MYO16: variants seen among roughly 807,000 people sequenced by gnomAD.
The protein encoded by MYO16 is myosin XVI.
MYO16 carries 94 observed loss-of-function variants against 205.3 expected under a neutral mutation model. That is an observed-to-expected ratio of 0.46 (90% confidence interval 0.39 to 0.54). The LOEUF is 0.54. Ranked by LOEUF, MYO16 falls within the 20% of genes least tolerant of loss-of-function variation. The probability of loss-of-function intolerance (pLI) is 0.00; values close to 1 mark genes in which losing one functional copy is unlikely to be tolerated. For synonymous variants in MYO16, 988 were observed against 954.0 expected, an observed-to-expected ratio of 1.04 and a Z score of -0.66; for missense variants, 2,315 against 2,387.5, an observed-to-expected ratio of 0.97 and a Z score of 0.63.
rs760769040 is a variant in MYO16, at chr13:109,064,996, G to A, written c.3335+9401G>A. Reference sequence around the variant, plus strand: ...TGGGATTAGTGGGCAATGCTTGCTTGGGGCCTCTTCCCCAGTTGCAGCCAT... The same window carrying A: ...TGGGATTAGTGGGCAATGCTTGCTTAGGGCCTCTTCCCCAGTTGCAGCCAT... On this transcript the variant is annotated intron_variant, in intron 27 of 34. Transcript: ENST00000457511. Among the ~76,000 whole-genome samples the A allele has an allele frequency of 3.9e-5, 6 of 152,294 alleles. No individual in the cohort carries two copies. In the South Asian group the frequency reaches 6.2e-4, roughly 16 times the overall value.
the MYO16 span, among the ~76,000 whole-genome samples, chr13:108,583,781 C>T: frequency 0.027 from 4,077 of 152,100 alleles, 175 homozygotes; most frequent in African/African-American, 0.091. Context: ...ATAAGCAAAA[C>T]GAAGGAATTA....
chr13:108,935,819 G>T (rs7987515), intron 16 of MYO16, among the ~76,000 whole-genome samples: 14 of 145,638 alleles, frequency 9.6e-5, no homozygotes, highest in South Asian at 2.2e-4. Flanking sequence ...TTTCTTGAGG[G>T]TTTTTTTTTT....
At chr13:108,948,343 C>T (rs1883012598) in intron 16 of MYO16, among the ~76,000 whole-genome samples, 1 of 152,188 alleles carries the variant, frequency 6.6e-6, no homozygotes, top group Non-Finnish European at 1.5e-5. Flanking sequence ...AAAAACTGAG[C>T]AACACATTGT....
At chr13:108,834,979 G>A (rs889380320) in intron 9 of MYO16, among the ~76,000 whole-genome samples, 3 of 152,068 alleles carry the variant, frequency 2.0e-5, no homozygotes, top group African/African-American at 7.2e-5. Flanking sequence ...CTATGGAAAT[G>A]TAAAATATTG....
the MYO16 span, among the ~76,000 whole-genome samples, chr13:108,508,367 G>A: frequency 1.3e-5 from 2 of 152,092 alleles, no homozygotes; most frequent in Admixed American, 6.6e-5. Context: ...GCTTTTTTGG[G>A]GATGCACTTT....
chr13:108,623,537 A>T (rs1879618563), intron 1 of MYO16, among the ~76,000 whole-genome samples: 1 of 152,136 alleles, frequency 6.6e-6, no homozygotes, highest in Non-Finnish European at 1.5e-5. Context: ...GTCTACTTGT[A>T]CCTACATGCT....
rs761910143 is a variant in MYO16 at position 109,141,171 on chromosome 13, C to G, written c.4959C>G (p.Ser1653=). 19 of 1,609,720 alleles carry G rather than the reference C, an allele frequency of 1.2e-5. No homozygotes were observed. In the Admixed American group the frequency reaches 3.2e-4, roughly 27 times the overall value. ...NSAPVAGPCS[S]FPKIPYSPVK... ...CCCCCGTGGCCGGGCCCTGCAGCTC[C>G]TTCCCCAAGATCCCATATTCCCCCG... Residue 1653 remains serine, a synonymous_variant, in exon 32 of 35, where the codon TCC becomes TCG. Coordinates refer to ENST00000457511, the MANE Select transcript of MYO16 (RefSeq NM_001198950.3). The surrounding 1 kb of genome is among the most constrained non-coding windows in gnomAD (Gnocchi z 4.1).
At chr13:108,977,231 C>T (rs1291017807) in intron 20 of MYO16, among the ~76,000 whole-genome samples, 1 of 152,118 alleles carries the variant, frequency 6.6e-6, no homozygotes. Context: ...AACTGCTGCA[C>T]TACTTGTGGA....
intron 16 of MYO16, among the ~76,000 whole-genome samples, chr13:108,928,507 T>G (rs1204237129): frequency 6.6e-6 from 1 of 152,232 alleles, no homozygotes; most frequent in Non-Finnish European, 1.5e-5. Context: ...TTCTTGCATT[T>G]GAATAAGTCA....
Position 109,019,718 on chromosome 13 carries a change from C to T in MYO16, c.2603C>T (p.Ser868Phe). The T allele has an allele frequency of 6.2e-7, 1 of 1,613,626 alleles. No individual in the cohort carries two copies. The highest frequency in any genetic ancestry group is 8.5e-7 in the Non-Finnish European group (1 of 1,179,708). The change falls in exon 23 of 35, where the codon TCT (serine) becomes TTT (phenylalanine). Residue 868 changes from serine to phenylalanine, a missense_variant. Physicochemically the swap from Ser to Phe is radical, Grantham distance 155. Coordinates refer to ENST00000457511, the MANE Select transcript of MYO16 (RefSeq NM_001198950.3). ...GVLDFFFQKP[S>F]GFLTLLDEES... Reference sequence around the variant, plus strand: ...TCTCTTCTTAACTCTCAGAAGCCATCTGGATTTCTCACCTTATTGGATGAA... The same window carrying T: ...TCTCTTCTTAACTCTCAGAAGCCATTTGGATTTCTCACCTTATTGGATGAA...
At chr13:108,883,308 T>C (rs781076450) in intron 13 of MYO16, 122 bp downstream of exon 13, 207 of 1,242,318 alleles carry the variant, frequency 1.7e-4, no homozygotes, top group Non-Finnish European at 2.1e-4. Context: ...GTCCAGTATA[T>C]CTTTGCAATA....
intron 23 of MYO16, 40 bp from the exon 24 acceptor site, chr13:109,046,876 G>T (rs1423565943): frequency 6.7e-7 from 1 of 1,486,192 alleles, no homozygotes; most frequent in Non-Finnish European, 9.4e-7. Context: ...TCACAGTCAT[G>T]TTGAATCATT....
chr13:109,162,360 A>C lies in MYO16; in HGVS notation c.5165-2541A>C, dbSNP rs1233174770. On this transcript the variant is annotated intron_variant, in intron 32 of 34. Coordinates refer to ENST00000457511, the MANE Select transcript of MYO16 (RefSeq NM_001198950.3). The surrounding 1 kb of genome is among the most constrained non-coding windows in gnomAD (Gnocchi z 4.6). ...TGGGGAAGCCCTCACTGCGCTGAGAATAAAACCTCTCAGTTCCTCTTTGGT... is the reference window on the plus strand; with the variant it reads ...TGGGGAAGCCCTCACTGCGCTGAGACTAAAACCTCTCAGTTCCTCTTTGGT... Among the ~76,000 whole-genome samples, 1 of 152,198 alleles carries C rather than the reference A, an allele frequency of 6.6e-6. No individual in the cohort carries two copies. The highest frequency in any genetic ancestry group is 1.9e-4 in the East Asian group (1 of 5,192).
chr13:108,940,528 G>T (rs1357008522), intron 16 of MYO16, among the ~76,000 whole-genome samples: 1 of 152,160 alleles, frequency 6.6e-6, no homozygotes, highest in African/African-American at 2.4e-5. Context: ...TTATGATCTT[G>T]GGAATTCTTC....
chr13:108,609,144 A>G (rs759227574), intron 1 of MYO16, among the ~76,000 whole-genome samples: 2 of 152,128 alleles, frequency 1.3e-5, no homozygotes, highest in African/African-American at 4.8e-5. Context: ...AGGCCAGCCC[A>G]GGAAACGATG....
the MYO16 span, among the ~76,000 whole-genome samples, chr13:108,586,840 C>T: frequency 6.6e-6 from 1 of 152,130 alleles, no homozygotes; most frequent in Non-Finnish European, 1.5e-5. Flanking sequence ...TATAAGGACC[C>T]TTTATACCCT....
chr13:108,640,830 A>G (rs751882839), intron 1 of MYO16, among the ~76,000 whole-genome samples: 20 of 152,352 alleles, frequency 1.3e-4, no homozygotes, highest in African/African-American at 4.6e-4. Context: ...GAGGTTTGAC[A>G]TAAAGGAAAC....
the MYO16 span, among the ~76,000 whole-genome samples, chr13:108,583,257 A>T: frequency 3.9e-4 from 60 of 152,308 alleles, no homozygotes; most frequent in African/African-American, 1.4e-3. Flanking sequence ...TCAGGTTGTG[A>T]TATAAAAACT....
At chr13:108,652,204 T>A (rs1484626834) in intron 1 of MYO16, among the ~76,000 whole-genome samples, 1 of 152,234 alleles carries the variant, frequency 6.6e-6, no homozygotes, top group African/African-American at 2.4e-5. Flanking sequence ...TGTCTGTGTG[T>A]CTACAGCACC....
Sources: gnomAD v4.1 joint callset for allele counts (sites outside exome capture counted in the v4.1 genomes callset) on GRCh38, gnomAD v4.1.1 for gene constraint, Gnocchi (gnomAD v3.1) non-coding constraint, MANE v1.5 for transcripts, NCBI Gene and HGNC (gene_info 2026-07-23, HGNC 2026-07-21) for gene names.